The following RALGPS1 variants were observed in gnomAD, a reference collection of about 807,000 sequenced individuals.
RALGPS1 encodes the protein Ral GEF with PH domain and SH3 binding motif 1, also known as ras-specific guanine nucleotide-releasing factor RalGPS1.
Under a neutral mutation model 78.8 loss-of-function variants are expected in RALGPS1, and 19 were observed. That is an observed-to-expected ratio of 0.24 (90% CI 0.17 to 0.35). RALGPS1 has a LOEUF of 0.35. Ranked by LOEUF, RALGPS1 falls within the 10% of genes least tolerant of loss-of-function variation. RALGPS1 has a pLI of 1.00. For missense variants in RALGPS1, 454 were observed against 688.3 expected (o/e 0.66, Z 3.81); for synonymous variants, 228 against 256.3 (o/e 0.89, Z 1.06).
chr9:127,010,194 G>A (rs1179305805), intron 4 of RALGPS1, among the ~76,000 whole-genome samples: 3 of 152,026 alleles, frequency 2.0e-5, no homozygotes, highest in African/African-American at 7.2e-5. Flanking sequence ...GTGGGGAGAG[G>A]CTGGAGCCAG....
intron 4 of RALGPS1, among the ~76,000 whole-genome samples, chr9:127,003,993 T>A (rs1191638341): frequency 2.0e-5 from 3 of 152,242 alleles, no homozygotes; most frequent in Non-Finnish European, 4.4e-5. Context: ...AATCCTGGCT[T>A]CTTTGGTTGC....
At chr9:127,023,143 C>T (rs1329408563) in intron 4 of RALGPS1, among the ~76,000 whole-genome samples, 1 of 152,130 alleles carries the variant, frequency 6.6e-6, no homozygotes, top group Non-Finnish European at 1.5e-5. Context: ...CCATCATCGT[C>T]CAAGAAAGAA....
chr9:127,157,866 G>A (rs2139320546), intron 8 of RALGPS1, among the ~76,000 whole-genome samples: 1 of 152,162 alleles, frequency 6.6e-6, no homozygotes, highest in Middle Eastern at 3.4e-3. Flanking sequence ...TTAAATGATA[G>A]CAGTATGTCA....
chr9:126,964,210 T>C (rs1235211711), intron 2 of RALGPS1, among the ~76,000 whole-genome samples: 4 of 151,828 alleles, frequency 2.6e-5, no homozygotes, highest in Non-Finnish European at 5.9e-5. Flanking sequence ...TTACAAAAAT[T>C]AGCCAGGCAT....
intron 4 of RALGPS1, among the ~76,000 whole-genome samples, chr9:127,033,798 A>C: frequency 6.6e-6 from 1 of 152,216 alleles, no homozygotes; most frequent in Admixed American, 6.5e-5. Flanking sequence ...AAATCTAGAT[A>C]ATTCAGTTCT....
intron 3 of RALGPS1, among the ~76,000 whole-genome samples, chr9:126,966,396 A>T (rs978272899): frequency 2.0e-5 from 3 of 151,972 alleles, no homozygotes; most frequent in African/African-American, 7.3e-5. Context: ...GGTGGCACAC[A>T]CTTGCAGTCC....
intron 11 of RALGPS1, among the ~76,000 whole-genome samples, chr9:127,190,785 A>G (rs2060984960): frequency 6.6e-6 from 1 of 152,214 alleles, no homozygotes; most frequent in Admixed American, 6.5e-5. Flanking sequence ...ACCAGGTATA[A>G]AAGGCAGGGC....
At chr9:127,192,939 G>A (rs960884420) in intron 11 of RALGPS1, among the ~76,000 whole-genome samples, 7 of 152,182 alleles carry the variant, frequency 4.6e-5, no homozygotes, top group Non-Finnish European at 1.0e-4. Context: ...GGAGGCTGAC[G>A]AGCCTTCATT....
At chr9:126,987,727 G>C (rs1340358375) in intron 4 of RALGPS1, among the ~76,000 whole-genome samples, 1 of 152,120 alleles carries the variant, frequency 6.6e-6, no homozygotes, top group Non-Finnish European at 1.5e-5. Context: ...CCCACTGTCA[G>C]ATTTCCCAGT....
At chr9:127,115,166 C>T (rs2055269556) in intron 8 of RALGPS1, among the ~76,000 whole-genome samples, 1 of 152,080 alleles carries the variant, frequency 6.6e-6, no homozygotes, top group South Asian at 2.1e-4. Flanking sequence ...CAGTTGAGGT[C>T]TGTTGTCTTA....
rs1383888566 is a variant in RALGPS1, at chr9:126,962,350, C to T, written c.57+4C>T. 9 of 1,614,046 alleles carry T rather than the reference C, an allele frequency of 5.6e-6. No individual in the cohort carries two copies. Among genetic ancestry groups the T allele is most frequent in the East Asian group, 2.2e-5 (1 of 44,850 alleles). On this transcript the variant is annotated splice_donor_region_variant and intron_variant, in intron 2 of 18. Transcript: ENST00000259351. ...GGTCACCTCTGCCACTCCACAGGTA[C>T]TGAGGCTGCAAGAATCGGGACAGTG...
intron 14 of RALGPS1, among the ~76,000 whole-genome samples, chr9:127,203,174 G>A (rs2061735970): frequency 6.6e-6 from 1 of 152,154 alleles, no homozygotes; most frequent in Non-Finnish European, 1.5e-5. Context: ...TTGTAGCGGC[G>A]ATCATGTATG....
intron 8 of RALGPS1, among the ~76,000 whole-genome samples, chr9:127,156,429 C>T (rs1483066721): frequency 6.6e-6 from 1 of 152,154 alleles, no homozygotes; most frequent in Non-Finnish European, 1.5e-5. Flanking sequence ...TTTCCACACG[C>T]TCATCAACAC....
At chr9:127,174,619 T>A in intron 10 of RALGPS1, 96 bp from the exon 11 acceptor site, 1 of 1,081,956 alleles carries the variant, frequency 9.2e-7, no homozygotes, top group Non-Finnish European at 1.4e-6. Flanking sequence ...ACAGTATTCC[T>A]GGCTTCTGTG....
chr9:127,021,052 T>TA (rs1473743269), intron 4 of RALGPS1, among the ~76,000 whole-genome samples: 1 of 152,252 alleles, frequency 6.6e-6, no homozygotes, highest in African/African-American at 2.4e-5. Flanking sequence ...AACCAAAATG[T>TA]AAACTTTAGT....
chr9:127,119,820 A>C (rs1269366369), intron 8 of RALGPS1, among the ~76,000 whole-genome samples: 4 of 151,994 alleles, frequency 2.6e-5, no homozygotes, highest in Non-Finnish European at 5.9e-5. Context: ...TTTTTTTGCC[A>C]AGCTCATGAA....
intron 4 of RALGPS1, among the ~76,000 whole-genome samples, chr9:127,028,880 G>A (rs2046180161): frequency 6.6e-6 from 1 of 152,160 alleles, no homozygotes; most frequent in African/African-American, 2.4e-5. Flanking sequence ...CCTGGTCCAT[G>A]TAAGTCCCTA....
In RALGPS1 at chr9:127,212,863, C is replaced by A; in HGVS notation, c.1447-81C>A. 6.3e-7 allele frequency: 1 copy of A among 1,599,062 alleles called. No homozygotes were observed. The highest frequency in any genetic ancestry group is 8.5e-7 in the Non-Finnish European group (1 of 1,171,096). On this transcript the variant is annotated intron_variant, in intron 16 of 18. Transcript: ENST00000259351. This position sits in a 1 kb window ranked among gnomAD's most constrained non-coding sequence, Gnocchi z 6.0. ...GGAAGGCGGCAGGGGAGGGAGGAAG[C>A]CTTGCCTGGCCCACGTCGGCCTCCC...
chr9:127,082,018 C>G (rs1039043417), intron 8 of RALGPS1, among the ~76,000 whole-genome samples: 1 of 152,202 alleles, frequency 6.6e-6, no homozygotes, highest in Non-Finnish European at 1.5e-5. Context: ...ACATCATGTC[C>G]ACAGAGGCAG....
Sources: allele counts gnomAD v4.1 joint callset (sites outside exome capture counted in the v4.1 genomes callset), GRCh38; gene constraint gnomAD v4.1.1; non-coding constraint Gnocchi (gnomAD v3.1); transcripts MANE v1.5; gene names NCBI Gene and HGNC (gene_info 2026-07-23, HGNC 2026-07-21).